The following PARD3B variants were observed in gnomAD, a reference collection of about 807,000 sequenced individuals.
PARD3B encodes the protein par-3 family cell polarity regulator beta.
Under a neutral mutation model 130.2 loss-of-function variants are expected in PARD3B, and 103 were observed. That is an observed-to-expected ratio of 0.79 (90% CI 0.67 to 0.93). The LOEUF (loss-of-function observed/expected upper bound fraction) is 0.93, where lower values mean the gene tolerates loss of function less well. PARD3B is among the 40% of genes least tolerant of loss of function. The probability of loss-of-function intolerance (pLI) is 0.00; values close to 1 mark genes in which losing one functional copy is unlikely to be tolerated. For missense variants in PARD3B, 1,609 were observed against 1,499.2 expected (o/e 1.07, Z -1.21); for synonymous variants, 583 against 553.2 (o/e 1.05, Z -0.76).
intron 2 of PARD3B, among the ~76,000 whole-genome samples, chr2:204,855,684 A>T (rs983033828): frequency 6.6e-6 from 1 of 151,976 alleles, no homozygotes; most frequent in African/African-American, 2.4e-5. Context: ...CCTTTGATCA[A>T]CATTTCCCTT....
At chr2:204,723,004 T>TA (rs1340736281) in intron 2 of PARD3B, among the ~76,000 whole-genome samples, 1 of 152,148 alleles carries the variant, frequency 6.6e-6, no homozygotes, top group African/African-American at 2.4e-5. Flanking sequence ...TATTGACACT[T>TA]TTGTTATCTC....
chr2:205,573,232 G>A (rs2053621714), intron 22 of PARD3B, among the ~76,000 whole-genome samples: 1 of 152,124 alleles, frequency 6.6e-6, no homozygotes, highest in South Asian at 2.1e-4. Context: ...CATATCAGTG[G>A]GGAAGGGCAG....
At chr2:204,712,328 A>T (rs929922707) in intron 2 of PARD3B, among the ~76,000 whole-genome samples, 1 of 152,060 alleles carries the variant, frequency 6.6e-6, no homozygotes, top group African/African-American at 2.4e-5. Flanking sequence ...TTAAAATTAA[A>T]TAGGCTGGCC....
chr2:204,643,115 C>CAAAAAAAAAA (rs71029202), intron 1 of PARD3B, among the ~76,000 whole-genome samples: 478 of 31,788 alleles, frequency 0.015, 50 homozygotes, highest in African/African-American at 0.043. Context: ...CTCTGTCTCA[C>CAAAAAAAAAA]AAAAAAAAAA....
intron 2 of PARD3B, among the ~76,000 whole-genome samples, chr2:204,787,713 C>G (rs957134318): frequency 6.6e-6 from 1 of 152,156 alleles, no homozygotes; most frequent in African/African-American, 2.4e-5. Context: ...TACCACTGTT[C>G]AAGGATAAAA....
intron 12 of PARD3B, among the ~76,000 whole-genome samples, chr2:205,174,149 C>T (rs1165287970): frequency 6.6e-6 from 1 of 152,130 alleles, no homozygotes; most frequent in Non-Finnish European, 1.5e-5. Context: ...ATTTGCATTC[C>T]CCTTTACTGC....
chr2:205,047,315 A>G (rs1405638457), intron 3 of PARD3B, among the ~76,000 whole-genome samples: 2 of 152,188 alleles, frequency 1.3e-5, no homozygotes, highest in Admixed American at 6.5e-5. Flanking sequence ...CAACTTGTGC[A>G]TTGCCTAACA....
At chr2:205,423,410 C>T (rs1041092201) in intron 19 of PARD3B, among the ~76,000 whole-genome samples, 2 of 152,180 alleles carry the variant, frequency 1.3e-5, no homozygotes, top group African/African-American at 2.4e-5. Context: ...GTCCCTGGTC[C>T]TTTTCATCTA....
chr2:205,110,847 CAAT>C (rs1263904613), intron 5 of PARD3B, among the ~76,000 whole-genome samples: 2 of 152,030 alleles, frequency 1.3e-5, no homozygotes, highest in Non-Finnish European at 2.9e-5. Context: ...AAACAAATAG[CAAT>C]AATAGCCTAT....
intron 22 of PARD3B, among the ~76,000 whole-genome samples, chr2:205,608,258 G>T (rs2055090031): frequency 6.6e-6 from 1 of 151,898 alleles, no homozygotes. Context: ...GAACCTGTTA[G>T]CCCCCAAAGT....
At chr2:205,239,909 C>G (rs1001143116) in intron 15 of PARD3B, among the ~76,000 whole-genome samples, 2 of 152,048 alleles carry the variant, frequency 1.3e-5, no homozygotes, top group Admixed American at 1.3e-4. Flanking sequence ...AATTCCCTAG[C>G]CCCCTTTTCA....
chr2:205,055,756 A>G (rs1254659456), intron 4 of PARD3B, among the ~76,000 whole-genome samples: 1 of 152,142 alleles, frequency 6.6e-6, no homozygotes, highest in Non-Finnish European at 1.5e-5. Context: ...TTTCATTTTA[A>G]TGTCTCAGTG....
At chr2:204,867,948 T>G (rs932666078) in intron 2 of PARD3B, among the ~76,000 whole-genome samples, 4 of 152,134 alleles carry the variant, frequency 2.6e-5, no homozygotes, top group African/African-American at 9.7e-5. Context: ...GAGGAAGCAG[T>G]GTCTTGGGCT....
At chr2:205,612,875 G>A (rs2055285284) in intron 22 of PARD3B, among the ~76,000 whole-genome samples, 1 of 152,172 alleles carries the variant, frequency 6.6e-6, no homozygotes, top group African/African-American at 2.4e-5. Context: ...CCCCCTCACT[G>A]TGAGCTGTGA....
rs1189441918 is a variant in PARD3B at position 205,117,922 on chromosome 2, C to CACACACACACACAT, written c.681-986_681-985insTACACACACACACA. On this transcript the variant is annotated intron_variant, in intron 6 of 22. Coordinates refer to ENST00000406610, the MANE Select transcript of PARD3B (RefSeq NM_001302769.2). ...AATTGTGTATGTATGTGTGTACACACACACACACACACACATACACACACA... is the reference window on the plus strand; with the variant it reads ...AATTGTGTATGTATGTGTGTACACACACACACACACACATACACACACACACACATACACACACA... Among the ~76,000 whole-genome samples the CACACACACACACAT allele has an allele frequency of 2.0e-3, 309 of 152,236 alleles. 6 individuals are homozygous for CACACACACACACAT. The Middle Eastern group carries it at 0.031, about 15-fold the overall frequency.
chr2:205,313,377 T>C (rs1293589433), intron 18 of PARD3B, among the ~76,000 whole-genome samples: 1 of 152,158 alleles, frequency 6.6e-6, no homozygotes, highest in East Asian at 1.9e-4. Context: ...TCCTTCTGTT[T>C]TTTGAGCACA....
At chr2:205,192,390 A>G (rs2036444526) in intron 14 of PARD3B, among the ~76,000 whole-genome samples, 1 of 152,180 alleles carries the variant, frequency 6.6e-6, no homozygotes, top group South Asian at 2.1e-4. Context: ...CACCATATTT[A>G]CTTTCCAAAC....
intron 1 of PARD3B, among the ~76,000 whole-genome samples, chr2:204,602,882 G>A (rs1280604881): frequency 6.6e-6 from 1 of 152,090 alleles, no homozygotes; most frequent in African/African-American, 2.4e-5. Flanking sequence ...TGGATAAGGA[G>A]CTATCTTTAT....
intron 18 of PARD3B, among the ~76,000 whole-genome samples, chr2:205,310,719 C>CTTTTTTTTTT (rs34032930): frequency 6.5e-4 from 54 of 82,610 alleles, no homozygotes; most frequent in East Asian, 1.2e-3. Flanking sequence ...TTCTTTCTTT[C>CTTTTTTTTTT]TTTTTTTTTT....
Sources: allele counts gnomAD v4.1 joint callset (sites outside exome capture counted in the v4.1 genomes callset), GRCh38; gene constraint gnomAD v4.1.1; transcripts MANE v1.5; gene names NCBI Gene and HGNC (gene_info 2026-07-23, HGNC 2026-07-21).